MGRN1: variants seen among roughly 807,000 people sequenced by gnomAD.
MGRN1 encodes the protein E3 ubiquitin-protein ligase MGRN1.
MGRN1 carries 29 observed loss-of-function variants against 69.2 expected under a neutral mutation model. That is an observed-to-expected ratio of 0.42 (90% CI 0.31 to 0.57). MGRN1 has a LOEUF of 0.57. Among genes scored for constraint, MGRN1 ranks in the 20% least tolerant of loss-of-function variants. The probability of loss-of-function intolerance (pLI) is 0.15; values close to 1 mark genes in which losing one functional copy is unlikely to be tolerated. For missense variants in MGRN1, 998 were observed against 796.2 expected (o/e 1.25, Z -3.05); for synonymous variants, 470 against 344.2 (o/e 1.37, Z -4.04).
chr16:4,687,807 C>T (rs1220461493), intron 16 of MGRN1: 16 of 985,342 alleles, frequency 1.6e-5, no homozygotes, highest in South Asian at 1.4e-4. Flanking sequence ...GGACTTGAGC[C>T]GGGTCAGGGA....
Position 4,683,993 on chromosome 16 carries a change from G to A in MGRN1, c.1618+61G>A. 3 of 1,442,756 alleles carry A rather than the reference G, an allele frequency of 2.1e-6. No homozygotes were observed. In the Admixed American group the frequency reaches 5.9e-5, roughly 28 times the overall value. 89.4% of individuals were successfully genotyped at this position (1,442,756 alleles called of 1,614,324 possible). ...TGCCTGTCTTAGTCCCCAGGGAGGG[G>A]GCCCTGCTCTGATGGTCGGTGCATA... On this transcript the variant is annotated intron_variant, in intron 16 of 16. Coordinates refer to ENST00000262370, the MANE Select transcript of MGRN1 (RefSeq NM_015246.4).
chr16:4,638,896 G>C (rs1277048063), intron 1 of MGRN1, among the ~76,000 whole-genome samples: 1 of 152,174 alleles, frequency 6.6e-6, no homozygotes, highest in East Asian at 1.9e-4. Context: ...TGGTGTCCCG[G>C]GTCCCTGGGC....
chr16:4,668,609 C>A (rs965920963), intron 8 of MGRN1, among the ~76,000 whole-genome samples: 9 of 151,228 alleles, frequency 6.0e-5, no homozygotes, highest in African/African-American at 2.2e-4. Flanking sequence ...CATACACTCA[C>A]ACTCACATGC....
intron 16 of MGRN1, among the ~76,000 whole-genome samples, chr16:4,685,236 C>A (rs1025258937): frequency 6.6e-6 from 1 of 152,366 alleles, no homozygotes; most frequent in African/African-American, 2.4e-5. Flanking sequence ...GCCAGAAGGA[C>A]CTCAGCTTCT....
intron 1 of MGRN1, chr16:4,633,446 C>G (rs1898109606): frequency 1.3e-5 from 2 of 151,778 alleles, no homozygotes; most frequent in African/African-American, 4.8e-5. Context: ...AATCTCAGCA[C>G]TTTGGGAGGC....
intron 8 of MGRN1, among the ~76,000 whole-genome samples, chr16:4,670,481 G>C (rs942208762): frequency 2.6e-5 from 4 of 152,238 alleles, no homozygotes; most frequent in Non-Finnish European, 4.4e-5. Flanking sequence ...GGGCTCAAGT[G>C]ATCCACCAGC....
rs1286069002 is a variant in MGRN1, at chr16:4,690,090, T to G, written c.*1182T>G. The G allele has an allele frequency of 6.6e-6, 1 of 152,384 alleles. No homozygotes were observed. The highest frequency in any genetic ancestry group is 1.5e-5 in the Non-Finnish European group (1 of 68,134). 9.4% of individuals were successfully genotyped at this position (152,384 alleles called of 1,614,324 possible). Reference sequence around the variant, plus strand: ...CCTTGCAGTTCTCTCTGATTTGGTTTGTTCTGTCTCAGGCTTCTGTGGCAG... The same window carrying G: ...CCTTGCAGTTCTCTCTGATTTGGTTGGTTCTGTCTCAGGCTTCTGTGGCAG... On this transcript the variant is annotated 3_prime_UTR_variant, in exon 17 of 17. Coordinates refer to ENST00000262370, the MANE Select transcript of MGRN1 (RefSeq NM_015246.4).
intron 1 of MGRN1, among the ~76,000 whole-genome samples, chr16:4,630,881 A>G (rs1212297731): frequency 1.4e-5 from 2 of 145,074 alleles, no homozygotes; most frequent in Non-Finnish European, 1.5e-5. Flanking sequence ...TAGCGGCATG[A>G]TGTCACTCTA....
intron 9 of MGRN1, chr16:4,672,331 G>A (rs2078956823): frequency 4.4e-6 from 2 of 456,522 alleles, no homozygotes; most frequent in Non-Finnish European, 8.8e-6. Flanking sequence ...TCAGGCCTGA[G>A]ACCACCACGC....
At position 4,637,646 on chromosome 16, in the gene MGRN1, C is replaced by T. The variant is rs1413315117; in HGVS notation, c.88+12598C>T. Among the ~76,000 whole-genome samples, 4 of 152,342 alleles carry T rather than the reference C, an allele frequency of 2.6e-5. No individual in the cohort carries two copies. The East Asian group carries it at 7.7e-4, about 29-fold the overall frequency. On this transcript the variant is annotated intron_variant, in intron 1 of 16. Coordinates refer to ENST00000262370, the MANE Select transcript of MGRN1 (RefSeq NM_015246.4). ...AACGGACAAGTGGAAGCTGCGGGAA[C>T]CCAGAGCCTCTGTTCGGCTCCAGCC...
chr16:4,683,868 T>C lies in MGRN1; in HGVS notation c.1554T>C (p.Asn518=), dbSNP rs953250452. 5.6e-6 allele frequency: 9 copies of C among 1,603,264 alleles called. No homozygotes were observed. The highest frequency in any genetic ancestry group is 6.8e-6 in the Non-Finnish European group (8 of 1,174,010). Residue 518 remains asparagine, a synonymous_variant, in exon 16 of 17, where the codon AAT becomes AAC. Coordinates refer to ENST00000262370, the MANE Select transcript of MGRN1 (RefSeq NM_015246.4). ...GGACCCGAGCAGCTTCCATTGAGAATGTCCTGCAGGACAGCAGCCCCGAGC... is the reference window on the plus strand; with the variant it reads ...GGACCCGAGCAGCTTCCATTGAGAACGTCCTGCAGGACAGCAGCCCCGAGC... ...QQGTRAASIE[N]VLQDSSPEHC...
rs767362180 is a variant in MGRN1, at chr16:4,688,836, C to T, written c.1659C>T (p.Thr553=). 2.1e-5 allele frequency: 32 copies of T among 1,553,944 alleles called. No individual in the cohort carries two copies. Among genetic ancestry groups the T allele is most frequent in the Non-Finnish European group, 2.6e-6 (3 of 1,148,548 alleles). ...TGGAGACGGCCCACGGCCTCGCCAC[C>T]ACCAGCCCCACCTGGCCTCCACTTG... ...TSMETAHGLA[T]TSPTWPPLGG... The change falls in exon 17 of 17, where the codon ACC becomes ACT. Residue 553 remains threonine, a synonymous_variant. Coordinates refer to ENST00000262370, the MANE Select transcript of MGRN1 (RefSeq NM_015246.4).
chr16:4,672,470 G>C (rs1017359479), intron 9 of MGRN1: 11 of 456,744 alleles, frequency 2.4e-5, no homozygotes, highest in Non-Finnish European at 4.0e-5. Flanking sequence ...GCAGCTCCAC[G>C]TGGCGGGAGC....
intron 16 of MGRN1, among the ~76,000 whole-genome samples, chr16:4,684,496 C>T (rs1310161230): frequency 5.3e-5 from 8 of 152,234 alleles, no homozygotes; most frequent in Non-Finnish European, 8.8e-5. Context: ...CCGGGCCTGA[C>T]AGAGGCCACC....
At chr16:4,653,671 T>A (rs922717079) in intron 4 of MGRN1, among the ~76,000 whole-genome samples, 11 of 151,528 alleles carry the variant, frequency 7.3e-5, no homozygotes, top group Admixed American at 7.2e-4. Flanking sequence ...GTATTTTTAG[T>A]AGAGATGGGG....
At chr16:4,673,773 G>T (rs1265805726) in intron 10 of MGRN1, 116 bp downstream of exon 10, 2 of 1,311,572 alleles carry the variant, frequency 1.5e-6, no homozygotes, top group Non-Finnish European at 2.1e-6. Flanking sequence ...AAGAAGAGTT[G>T]TCATTCATCT....
intron 1 of MGRN1, among the ~76,000 whole-genome samples, chr16:4,635,968 G>GTTT (rs35561356): frequency 4.2e-5 from 6 of 141,356 alleles, no homozygotes; most frequent in African/African-American, 1.6e-4. Flanking sequence ...TGTATTTTCT[G>GTTT]TTTTTTTTTT....
intron 1 of MGRN1, among the ~76,000 whole-genome samples, chr16:4,648,702 G>A (rs56212145): frequency 7.0e-4 from 66 of 94,316 alleles, no homozygotes; most frequent in African/African-American, 3.0e-3. Flanking sequence ...CCTCCCGGGG[G>A]CTCTTCCCGT....
chr16:4,681,162 C>T lies in MGRN1; in HGVS notation c.1132-388C>T, dbSNP rs149831780. Among the ~76,000 whole-genome samples the T allele has an allele frequency of 1.9e-3, 297 of 152,348 alleles. 1 individual carries two copies. Among genetic ancestry groups the T allele is most frequent in the African/African-American group, 6.7e-3 (277 of 41,592 alleles). ...TCTCCCTGGTCCAGGACGCCCCTGA[C>T]CGTGTCTCTCGCCTCTGGCATGGCT... On this transcript the variant is annotated intron_variant, in intron 12 of 16. Coordinates refer to ENST00000262370, the MANE Select transcript of MGRN1 (RefSeq NM_015246.4).
Sources: gnomAD v4.1 joint callset for allele counts (sites outside exome capture counted in the v4.1 genomes callset) on GRCh38, gnomAD v4.1.1 for gene constraint, MANE v1.5 for transcripts, NCBI Gene and HGNC (gene_info 2026-07-23, HGNC 2026-07-21) for gene names.